Variants in ANKS1B observed in about 807,000 individuals in gnomAD.
ANKS1B encodes the protein ankyrin repeat and sterile alpha motif domain-containing protein 1B.
A neutral mutation model predicts 148.3 loss-of-function variants in ANKS1B; 36 were observed. That is an observed-to-expected ratio of 0.24 (90% confidence interval 0.19 to 0.32). The LOEUF is 0.32. Ranked by LOEUF, ANKS1B falls within the 10% of genes least tolerant of loss-of-function variation. The pLI is 1.00. For missense variants in ANKS1B, 1,157 were observed against 1,542.6 expected, an observed-to-expected ratio of 0.75 and a Z score of 4.19; for synonymous variants, 542 against 560.8, an observed-to-expected ratio of 0.97 and a Z score of 0.47.
chr12:99,246,234 C>A (rs1288138892), intron 13 of ANKS1B, 41 bp downstream of exon 13: 3 of 1,423,864 alleles, frequency 2.1e-6, no homozygotes, highest in Non-Finnish European at 2.8e-6. Context: ...CCCTCAACTG[C>A]AAAGCCTTAT....
intron 17 of ANKS1B, among the ~76,000 whole-genome samples, chr12:98,961,385 C>T (rs145910792): frequency 6.6e-5 from 10 of 152,154 alleles, no homozygotes; most frequent in Admixed American, 2.0e-4. Context: ...GTATATCCAA[C>T]AAAAATATCC....
At chr12:99,765,143 T>A (rs2062525070) in intron 8 of ANKS1B, among the ~76,000 whole-genome samples, 1 of 152,136 alleles carries the variant, frequency 6.6e-6, no homozygotes, top group Non-Finnish European at 1.5e-5. Flanking sequence ...GATCCAAGAT[T>A]TACCTTTTGG....
intron 9 of ANKS1B, among the ~76,000 whole-genome samples, chr12:99,578,468 G>C (rs11109929): frequency 0.22 from 34,123 of 152,040 alleles, 3,921 homozygotes; most frequent in African/African-American, 0.24. Flanking sequence ...CACAGTCTCT[G>C]CCCAAAAGCT....
At chr12:99,921,746 C>A (rs916463234) in intron 1 of ANKS1B, among the ~76,000 whole-genome samples, 1 of 152,228 alleles carries the variant, frequency 6.6e-6, no homozygotes, top group African/African-American at 2.4e-5. Context: ...CACAGGATGG[C>A]TTTTCATCTT....
intron 1 of ANKS1B, among the ~76,000 whole-genome samples, chr12:99,847,604 G>C (rs1042988352): frequency 6.6e-6 from 1 of 152,042 alleles, no homozygotes; most frequent in Non-Finnish European, 1.5e-5. Flanking sequence ...TTCCCTTTTT[G>C]TCTAATCACA....
chr12:99,585,248 C>T (rs1191784035), intron 9 of ANKS1B, among the ~76,000 whole-genome samples: 1 of 152,080 alleles, frequency 6.6e-6, no homozygotes, highest in Admixed American at 6.5e-5. Context: ...GGACTACGGG[C>T]CCCAGGCAAG....
At chr12:99,808,899 T>C (rs2067978181) in intron 3 of ANKS1B, among the ~76,000 whole-genome samples, 1 of 152,104 alleles carries the variant, frequency 6.6e-6, no homozygotes, top group African/African-American at 2.4e-5. Context: ...CAATTAGCAC[T>C]GTTCAGATCT....
chr12:99,420,926 A>G (rs1392183825), intron 11 of ANKS1B, among the ~76,000 whole-genome samples: 3 of 152,344 alleles, frequency 2.0e-5, no homozygotes, highest in African/African-American at 7.2e-5. Flanking sequence ...GGTTAAACTT[A>G]TTAACACATA....
intron 12 of ANKS1B, among the ~76,000 whole-genome samples, chr12:99,285,859 G>A (rs1301819935): frequency 3.3e-5 from 5 of 152,088 alleles, no homozygotes; most frequent in African/African-American, 7.2e-5. Flanking sequence ...CAAAGAGTGA[G>A]CATTTAGACC....
chr12:99,164,036 A>G (rs2076962311), intron 14 of ANKS1B, among the ~76,000 whole-genome samples: 1 of 152,138 alleles, frequency 6.6e-6, no homozygotes, highest in South Asian at 2.1e-4. Context: ...ATGGCTTACT[A>G]TGTTGAACAA....
chr12:99,581,167 G>A (rs150557927), intron 9 of ANKS1B, among the ~76,000 whole-genome samples: 1 of 152,248 alleles, frequency 6.6e-6, no homozygotes, highest in East Asian at 1.9e-4. Flanking sequence ...TAATACAAAA[G>A]TAGAGTGATC....
At chr12:99,869,782 T>G (rs1475890930) in intron 1 of ANKS1B, among the ~76,000 whole-genome samples, 1 of 151,414 alleles carries the variant, frequency 6.6e-6, no homozygotes, top group Non-Finnish European at 1.5e-5. Flanking sequence ...AAATGAAAAC[T>G]GCTATATGCC....
intron 15 of ANKS1B, among the ~76,000 whole-genome samples, chr12:99,150,432 C>T (rs978452101): frequency 2.0e-5 from 3 of 152,010 alleles, no homozygotes; most frequent in Non-Finnish European, 4.4e-5. Context: ...AGAAAAGAGC[C>T]TGTTCTGTAC....
chr12:99,550,047 A>G (rs2097203996), intron 9 of ANKS1B, among the ~76,000 whole-genome samples: 1 of 152,066 alleles, frequency 6.6e-6, no homozygotes. Flanking sequence ...TTGTCCAATA[A>G]ACCTGTGTTG....
In ANKS1B at chr12:99,649,540, G is replaced by T. The variant is rs1449071411; in HGVS notation, c.1272+5527C>A. On this transcript the variant is annotated intron_variant, in intron 9 of 26. Coordinates refer to ENST00000683438, the MANE Select transcript of ANKS1B (RefSeq NM_001352186.2). ...CACCACCACAGGTACCATGGATGTG[G>T]CTGCAACCAAGTCTGCAGACTCAGG... The T allele has an allele frequency of 2.0e-5, 13 of 642,928 alleles. No homozygotes were observed. The Middle Eastern group carries it at 1.1e-3, about 52-fold the overall frequency. 39.8% of individuals were successfully genotyped at this position (642,928 alleles called of 1,614,324 possible). A position where few individuals can be genotyped will look rare whatever the true frequency, so the allele number is the denominator to read the frequency against.
chr12:99,940,582 A>T (rs1157677195), intron 1 of ANKS1B, among the ~76,000 whole-genome samples: 1 of 152,038 alleles, frequency 6.6e-6, no homozygotes, highest in Non-Finnish European at 1.5e-5. Flanking sequence ...AACGAAGCCA[A>T]AAAAAATGAT....
intron 8 of ANKS1B, among the ~76,000 whole-genome samples, chr12:99,737,627 T>G (rs751498210): frequency 1.3e-5 from 2 of 152,042 alleles, no homozygotes; most frequent in African/African-American, 2.4e-5. Context: ...AAGGTGTTTT[T>G]TGGCCACCTC....
At chr12:99,584,472 G>T (rs1376920713) in intron 9 of ANKS1B, among the ~76,000 whole-genome samples, 2 of 152,004 alleles carry the variant, frequency 1.3e-5, no homozygotes, top group African/African-American at 4.8e-5. Flanking sequence ...GATGCTGCAT[G>T]CCTGTAGTCC....
At chr12:99,886,361 G>C (rs2092820970) in intron 1 of ANKS1B, among the ~76,000 whole-genome samples, 2 of 152,178 alleles carry the variant, frequency 1.3e-5, no homozygotes, top group African/African-American at 4.8e-5. Flanking sequence ...GCAGTACAAA[G>C]TGTCTGAAAC....
Sources: gnomAD v4.1 joint callset for allele counts (sites outside exome capture counted in the v4.1 genomes callset) on GRCh38, gnomAD v4.1.1 for gene constraint, MANE v1.5 for transcripts, NCBI Gene and HGNC (gene_info 2026-07-23, HGNC 2026-07-21) for gene names.